The following RALYL variants were observed in gnomAD, a reference collection of about 807,000 sequenced individuals.
The protein encoded by RALYL is RNA-binding Raly-like protein.
In RALYL, 29 loss-of-function variants were observed where a neutral mutation model predicts 35.1. The ratio of observed to expected loss-of-function variants is 0.83; its 90% CI spans 0.61 to 1.13. The LOEUF is 1.13. RALYL is among the 50% of genes most tolerant of loss of function. RALYL has a pLI of 0.00. For missense variants in RALYL, 359 were observed against 360.4 expected, an observed-to-expected ratio of 1.00 and a Z score of 0.03; for synonymous variants, 120 against 127.6, an observed-to-expected ratio of 0.94 and a Z score of 0.40.
intron 1 of RALYL, among the ~76,000 whole-genome samples, chr8:84,186,784 CT>C (rs1812640094): frequency 6.6e-6 from 1 of 152,032 alleles, no homozygotes; most frequent in Admixed American, 6.6e-5. Context: ...ATATTGTAGA[CT>C]TGTATTACAT....
At chr8:84,852,585 AT>A (rs1836094266) in intron 5 of RALYL, among the ~76,000 whole-genome samples, 1 of 152,158 alleles carries the variant, frequency 6.6e-6, no homozygotes, top group Non-Finnish European at 1.5e-5. Context: ...CCATTTTAGC[AT>A]CTTTTATTTT....
At chr8:84,689,074 T>C (rs935776077) in intron 2 of RALYL, among the ~76,000 whole-genome samples, 1 of 152,072 alleles carries the variant, frequency 6.6e-6, no homozygotes, top group Non-Finnish European at 1.5e-5. Flanking sequence ...TTTTTTCTTT[T>C]TTTTTTTAAA....
At chr8:84,650,425 A>T (rs187499574) in intron 2 of RALYL, among the ~76,000 whole-genome samples, 1 of 152,294 alleles carries the variant, frequency 6.6e-6, no homozygotes, top group Admixed American at 6.6e-5. Flanking sequence ...GTGAAAAGAC[A>T]CTTCTCAAAA....
chr8:84,643,809 A>C (rs1018064817), intron 2 of RALYL, among the ~76,000 whole-genome samples: 1 of 152,086 alleles, frequency 6.6e-6, no homozygotes, highest in Non-Finnish European at 1.5e-5. Flanking sequence ...GGGTTTAAAA[A>C]GAGGAACTTG....
At chr8:84,919,618 AAAGAGAGGG>A (rs1849011910) in intron 8 of RALYL, among the ~76,000 whole-genome samples, 1 of 152,024 alleles carries the variant, frequency 6.6e-6, no homozygotes, top group Admixed American at 6.6e-5. Flanking sequence ...GGGTAAGGAG[AAAGAGAGGG>A]AAGAGAAAAG....
chr8:84,915,302 G>T (rs1375299719), intron 8 of RALYL, among the ~76,000 whole-genome samples: 3 of 151,916 alleles, frequency 2.0e-5, no homozygotes, highest in African/African-American at 4.8e-5. Flanking sequence ...CTTTAATGTT[G>T]TTTCTAAAAC....
chr8:84,454,847 C>T (rs1000598580), intron 1 of RALYL, among the ~76,000 whole-genome samples: 4 of 152,004 alleles, frequency 2.6e-5, no homozygotes, highest in African/African-American at 7.2e-5. Context: ...GGAGGAGGTA[C>T]TCAGGAAATC....
At chr8:84,411,039 CT>C (rs1321568948) in intron 1 of RALYL, among the ~76,000 whole-genome samples, 11 of 151,828 alleles carry the variant, frequency 7.2e-5, no homozygotes, top group Non-Finnish European at 1.3e-4. Context: ...ACAATGCAAA[CT>C]TTTTTCAAAA....
intron 1 of RALYL, among the ~76,000 whole-genome samples, chr8:84,419,517 C>T (rs1177630017): frequency 1.3e-5 from 2 of 151,798 alleles, no homozygotes; most frequent in African/African-American, 4.8e-5. Flanking sequence ...TCTATTAGAA[C>T]TGCTACTACA....
intron 1 of RALYL, among the ~76,000 whole-genome samples, chr8:84,423,913 A>T (rs1338162740): frequency 6.6e-6 from 1 of 151,602 alleles, no homozygotes; most frequent in African/African-American, 2.4e-5. Context: ...TTCTGCCGAG[A>T]GATCTGCTGT....
At chr8:84,266,920 A>G (rs1420288456) in intron 1 of RALYL, among the ~76,000 whole-genome samples, 1 of 146,744 alleles carries the variant, frequency 6.8e-6, no homozygotes, top group Non-Finnish European at 1.5e-5. Context: ...AGATCGCGCC[A>G]CTGCACTCCA....
intron 1 of RALYL, among the ~76,000 whole-genome samples, chr8:84,195,435 T>A (rs938761933): frequency 6.6e-6 from 1 of 151,950 alleles, no homozygotes; most frequent in African/African-American, 2.4e-5. Context: ...CGAGACTCCA[T>A]CTCAAAAAAA....
Position 84,745,023 on chromosome 8 carries a change from C to T in RALYL, c.257-29556C>T, listed in dbSNP as rs1394809563. 2.0e-5 allele frequency among the ~76,000 whole-genome samples: 3 copies of T among 151,670 alleles called. No individual in the cohort carries two copies. In the East Asian group the frequency reaches 5.8e-4, roughly 29 times the overall value. On this transcript the variant is annotated intron_variant, in intron 2 of 8. Transcript: ENST00000521268. The stretch of plus-strand genomic sequence containing the variant: ...AGCACAAAACACTCACCTCCATGAA[C>T]CCAGCTGAACAGACACATGCAACAC...
rs1027469014 is a variant in RALYL, at chr8:84,343,640, AT to A, written c.-24+159223del. ...TTTATTTATTTATTTATTTTATTTC[AT>A]TTTTTTAAGAAAAGGTCTCACTCTG... On this transcript the variant is annotated intron_variant, in intron 1 of 8. Coordinates refer to ENST00000521268, the MANE Select transcript of RALYL (RefSeq NM_173848.7). 2.0e-5 allele frequency among the ~76,000 whole-genome samples: 3 copies of A among 151,520 alleles called. 1 individual carries two copies. Among genetic ancestry groups the A allele is most frequent in the Non-Finnish European group, 2.9e-5 (2 of 67,892 alleles).
At chr8:84,311,724 TG>T (rs1305328460) in intron 1 of RALYL, among the ~76,000 whole-genome samples, 1 of 152,060 alleles carries the variant, frequency 6.6e-6, no homozygotes, top group Admixed American at 6.6e-5. Context: ...CATCTGAAAA[TG>T]AAGAGTAATG....
At chr8:84,371,568 C>G (rs1158533074) in intron 1 of RALYL, among the ~76,000 whole-genome samples, 1 of 147,612 alleles carries the variant, frequency 6.8e-6, no homozygotes, top group African/African-American at 2.7e-5. Context: ...CACACACACA[C>G]ACACAGAAAG....
chr8:84,196,371 C>T (rs777615035), intron 1 of RALYL, among the ~76,000 whole-genome samples: 20 of 152,078 alleles, frequency 1.3e-4, no homozygotes, highest in Non-Finnish European at 1.8e-4. Flanking sequence ...AGAAACGATG[C>T]AAGTCATGCA....
At chr8:84,884,219 C>A (rs1438451644) in intron 7 of RALYL, among the ~76,000 whole-genome samples, 1 of 151,964 alleles carries the variant, frequency 6.6e-6, no homozygotes, top group Non-Finnish European at 1.5e-5. Context: ...CTCAACTTTC[C>A]AGGAAGCTTA....
chr8:84,571,672 C>T (rs192997678), intron 2 of RALYL, among the ~76,000 whole-genome samples: 59 of 151,502 alleles, frequency 3.9e-4, no homozygotes, highest in African/African-American at 1.3e-3. Context: ...TAATTTGTTC[C>T]TGTTTTTCCA....
Sources: allele counts gnomAD v4.1 joint callset (sites outside exome capture counted in the v4.1 genomes callset), GRCh38; gene constraint gnomAD v4.1.1; transcripts MANE v1.5; gene names NCBI Gene and HGNC (gene_info 2026-07-23, HGNC 2026-07-21).